COL14A1: variants seen among roughly 807,000 people sequenced by gnomAD.
COL14A1 encodes collagen alpha-1(XIV) chain.
A neutral mutation model predicts 230.3 loss-of-function variants in COL14A1; 136 were observed. The observed-to-expected ratio is 0.59, with a 90% CI of 0.51 to 0.68. The LOEUF (loss-of-function observed/expected upper bound fraction) is 0.68. Ranked by LOEUF, COL14A1 falls within the 30% of genes least tolerant of loss-of-function variation. The pLI is 0.00. For missense variants in COL14A1, 1,976 were observed against 2,215.8 expected (o/e 0.89, Z 2.17); for synonymous variants, 792 against 784.1 (o/e 1.01, Z -0.17).
rs1198704166 is a variant in COL14A1, at chr8:120,125,210, T to C, written c.-168T>C. 6.6e-6 allele frequency: 1 copy of C among 152,336 alleles called. No homozygotes were observed. Among genetic ancestry groups the C allele is most frequent in the Admixed American group, 6.5e-5 (1 of 15,280 alleles). 9.4% of individuals were successfully genotyped at this position (152,336 alleles called of 1,614,324 possible). On this transcript the variant is annotated 5_prime_UTR_variant, in exon 1 of 48. Transcript: ENST00000297848. Reference sequence around the variant, plus strand: ...GAGGGAGAGAGAAAGAGAGAGAGGCTAATTAAAAAAGGATACTCCGAGGGA... The same window carrying C: ...GAGGGAGAGAGAAAGAGAGAGAGGCCAATTAAAAAAGGATACTCCGAGGGA...
intron 40 of COL14A1, among the ~76,000 whole-genome samples, chr8:120,316,380 A>T (rs1206112093): frequency 6.6e-6 from 1 of 152,174 alleles, no homozygotes; most frequent in Non-Finnish European, 1.5e-5. Context: ...TTTCTGTAGT[A>T]TGGCTTACAT....
rs766202211 is a variant in COL14A1 at position 120,281,040 on chromosome 8, C to T, written c.3805C>T (p.Leu1269=). ...ATGTTACCAACTCCATAAAGATGCC[C>T]TGGTTTCCCAGCCAACCAGGTATGT... ...FPCYQLHKDA[L]VSQPTRYLHP... Residue 1269 remains leucine (L), a synonymous_variant, in exon 31 of 48, where the codon CTG becomes TTG. Coordinates refer to ENST00000297848, the MANE Select transcript of COL14A1 (RefSeq NM_021110.4). 1 of 1,609,680 alleles carries T rather than the reference C, an allele frequency of 6.2e-7. No individual in the cohort carries two copies. The highest frequency in any genetic ancestry group is 8.5e-7 in the Non-Finnish European group (1 of 1,178,298).
At chr8:120,264,793 A>G (rs1425355557) in intron 24 of COL14A1, among the ~76,000 whole-genome samples, 1 of 152,144 alleles carries the variant, frequency 6.6e-6, no homozygotes, top group Non-Finnish European at 1.5e-5. Flanking sequence ...TGTGCGCTTA[A>G]GTTGGCTACC....
chr8:120,307,803 A>G (rs892726624), intron 36 of COL14A1, among the ~76,000 whole-genome samples: 17 of 152,298 alleles, frequency 1.1e-4, no homozygotes, highest in African/African-American at 3.8e-4. Context: ...GGACCCTCTT[A>G]AACTATTGGC....
At chr8:120,199,976 C>T (rs543841213) in intron 8 of COL14A1, among the ~76,000 whole-genome samples, 10 of 128,256 alleles carry the variant, frequency 7.8e-5, no homozygotes, top group African/African-American at 3.1e-4. Flanking sequence ...GTAAAGAAGA[C>T]ACAAAGTTCA....
At chr8:120,285,463 C>CAAAAAAAA (rs1218052645) in intron 32 of COL14A1, among the ~76,000 whole-genome samples, 7 of 64,978 alleles carry the variant, frequency 1.1e-4, no homozygotes, top group East Asian at 5.4e-4. Flanking sequence ...GACTCCATCT[C>CAAAAAAAA]AAAAAAAAAA....
intron 19 of COL14A1, among the ~76,000 whole-genome samples, chr8:120,237,556 A>G (rs1818484490): frequency 6.6e-6 from 1 of 152,188 alleles, no homozygotes; most frequent in Non-Finnish European, 1.5e-5. Context: ...GGGTTAGAAT[A>G]TGCTCCTTTA....
chr8:120,315,412 T>G, intron 38 of COL14A1, 121 bp from the exon 39 acceptor site: 1 of 597,354 alleles, frequency 1.7e-6, no homozygotes, highest in Non-Finnish European at 2.9e-6. Context: ...ATATATATTC[T>G]GTTTAGATGT....
intron 34 of COL14A1, among the ~76,000 whole-genome samples, chr8:120,291,238 G>T (rs1324938290): frequency 6.6e-6 from 1 of 152,000 alleles, no homozygotes; most frequent in Non-Finnish European, 1.5e-5. Flanking sequence ...ATGGATACTT[G>T]GATGATGAAT....
At chr8:120,279,592 T>A (rs1439508673) in intron 28 of COL14A1, among the ~76,000 whole-genome samples, 1 of 151,870 alleles carries the variant, frequency 6.6e-6, no homozygotes, top group Non-Finnish European at 1.5e-5. Context: ...AGTGTCTCTG[T>A]TTCAAGTATA....
chr8:120,235,605 T>C (rs571546186), intron 19 of COL14A1, among the ~76,000 whole-genome samples: 80 of 152,316 alleles, frequency 5.3e-4, no homozygotes, highest in African/African-American at 1.9e-3. Flanking sequence ...GCTTTTCGTG[T>C]CTCTATCTCC....
chr8:120,290,089 G>T (rs1352779991), intron 34 of COL14A1, among the ~76,000 whole-genome samples: 1 of 151,922 alleles, frequency 6.6e-6, no homozygotes, highest in Non-Finnish European at 1.5e-5. Flanking sequence ...CATGGTTTGG[G>T]GCATAAATGG....
chr8:120,168,239 C>T lies in COL14A1; in HGVS notation c.428C>T (p.Ser143Leu). Residue 143 changes from serine to leucine, a missense_variant, in exon 5 of 48, where the codon TCA becomes TTA. Around this residue, in one of 3 missense-constraint regions of COL14A1, gnomAD observed 181 missense variants for 178.6 expected, o/e 1.01. Coordinates refer to ENST00000297848, the MANE Select transcript of COL14A1 (RefSeq NM_021110.4). ...VDRGNGSRPSSPEEVKFVCQT... is the reference protein window; with the variant it reads ...VDRGNGSRPSLPEEVKFVCQT... The stretch of plus-strand genomic sequence containing the variant: ...AGAGGAAATGGGAGTAGACCATCTT[C>T]ACCAGAAGGTCAGAGACGATTTTAA... The T allele has an allele frequency of 6.2e-7, 1 of 1,608,688 alleles. No homozygotes were observed. Among genetic ancestry groups the T allele is most frequent in the Middle Eastern group, 1.7e-4 (1 of 6,032 alleles).
At chr8:120,319,643 G>A (rs933299692) in intron 40 of COL14A1, among the ~76,000 whole-genome samples, 9 of 152,180 alleles carry the variant, frequency 5.9e-5, no homozygotes, top group African/African-American at 2.2e-4. Flanking sequence ...TAATAAAAAG[G>A]AGAAGATGAA....
rs200079461 is a variant in COL14A1 at position 120,315,959 on chromosome 8, G to A, written c.4621G>A (p.Val1541Ile). ...LPGPQGIPGG[V>I]GSPGRDGSPG... ...TTCTACACAGGGTATCCCAGGAGGC[G>A]TTGGTTCACCAGGACGTGATGGCTC... is the stretch of plus-strand genomic sequence containing the variant. The change falls in exon 40 of 48, where the codon GTT becomes ATT. Residue 1541 changes from valine (V) to isoleucine (I), a missense_variant. Transcript: ENST00000297848. 87 of 1,613,810 alleles carry A rather than the reference G, an allele frequency of 5.4e-5. No homozygotes were observed. The highest frequency in any genetic ancestry group is 6.9e-5 in the Non-Finnish European group (82 of 1,179,968).
At chr8:120,165,794 GT>G (rs1390372378) in intron 4 of COL14A1, among the ~76,000 whole-genome samples, 4 of 152,212 alleles carry the variant, frequency 2.6e-5, no homozygotes, top group Admixed American at 2.6e-4. Context: ...GGAAATAAAG[GT>G]TTTATTACTT....
At chr8:120,364,568 T>C (rs1430388987) in intron 45 of COL14A1, among the ~76,000 whole-genome samples, 1 of 152,150 alleles carries the variant, frequency 6.6e-6, no homozygotes, top group Admixed American at 6.6e-5. Context: ...TAAATGTAGT[T>C]TGTAATATAA....
chr8:120,257,659 C>T (rs1203638433), intron 23 of COL14A1, among the ~76,000 whole-genome samples: 3 of 152,152 alleles, frequency 2.0e-5, no homozygotes, highest in East Asian at 1.9e-4. Flanking sequence ...GTCTCAGACC[C>T]TCAGGTGTTT....
intron 36 of COL14A1, among the ~76,000 whole-genome samples, chr8:120,305,025 CTGGAGTGCA>C (rs1820816988): frequency 1.3e-5 from 2 of 150,356 alleles, no homozygotes; most frequent in Non-Finnish European, 2.9e-5. Context: ...GTTGCCCGGG[CTGGAGTGCA>C]ATGGCACAAT....
Sources: gnomAD v4.1 joint callset for allele counts (sites outside exome capture counted in the v4.1 genomes callset) on GRCh38, gnomAD v4.1.1 for gene constraint, gnomAD v4.1.1 regional missense constraint, MANE v1.5 for transcripts, NCBI Gene and HGNC (gene_info 2026-07-23, HGNC 2026-07-21) for gene names.